Variants in CAMTA1 observed in about 807,000 individuals in gnomAD.
CAMTA1 encodes calmodulin-binding transcription activator 1.
In CAMTA1, 27 loss-of-function variants were observed where a neutral mutation model predicts 170.9. That is an observed-to-expected ratio of 0.16 (90% CI 0.12 to 0.22). The LOEUF (loss-of-function observed/expected upper bound fraction) is 0.22. CAMTA1 is among the 10% of genes least tolerant of loss of function. CAMTA1 has a pLI of 1.00. For missense variants in CAMTA1, 1,619 were observed against 2,217.2 expected, an observed-to-expected ratio of 0.73 and a Z score of 5.42; for synonymous variants, 833 against 891.5, an observed-to-expected ratio of 0.93 and a Z score of 1.17.
chr1:6,923,923 C>A (rs888224293), intron 3 of CAMTA1, among the ~76,000 whole-genome samples: 2 of 152,168 alleles, frequency 1.3e-5, no homozygotes, highest in South Asian at 2.1e-4. Flanking sequence ...AGGGGAAAAA[C>A]AATTCCCCAA....
At chr1:6,813,180 A>T (rs1645384627) in intron 1 of CAMTA1, among the ~76,000 whole-genome samples, 1 of 152,226 alleles carries the variant, frequency 6.6e-6, no homozygotes, top group Non-Finnish European at 1.5e-5. Context: ...ACTGTAGCAC[A>T]TAATTTTTTC....
At chr1:7,518,231 G>A (rs777937437) in intron 6 of CAMTA1, among the ~76,000 whole-genome samples, 5 of 151,948 alleles carry the variant, frequency 3.3e-5, no homozygotes, top group African/African-American at 1.2e-4. Context: ...CTGGTAAAAC[G>A]AAGCTGGCAG....
At chr1:7,204,989 C>T (rs533848698) in intron 4 of CAMTA1, among the ~76,000 whole-genome samples, 6 of 151,778 alleles carry the variant, frequency 4.0e-5, no homozygotes, top group African/African-American at 9.7e-5. Context: ...GGACCACGCC[C>T]GGCTAATTTT....
At chr1:7,495,095 T>C (rs1167572710) in intron 6 of CAMTA1, among the ~76,000 whole-genome samples, 1 of 152,036 alleles carries the variant, frequency 6.6e-6, no homozygotes. Context: ...TTAAATCCTC[T>C]CAAACTCAGG....
intron 11 of CAMTA1, among the ~76,000 whole-genome samples, chr1:7,717,467 C>A (rs2096619245): frequency 1.3e-5 from 2 of 151,986 alleles, no homozygotes; most frequent in African/African-American, 4.8e-5. Flanking sequence ...AATTTGAGGC[C>A]AGGCGTAGTG....
chr1:7,457,487 C>T (rs1313512415), intron 5 of CAMTA1, among the ~76,000 whole-genome samples: 2 of 152,044 alleles, frequency 1.3e-5, no homozygotes, highest in East Asian at 1.9e-4. Context: ...GGTTAGGTCC[C>T]CTGCCCCTCA....
intron 18 of CAMTA1, among the ~76,000 whole-genome samples, chr1:7,746,810 T>C (rs1424190608): frequency 6.6e-6 from 1 of 152,196 alleles, no homozygotes; most frequent in Non-Finnish European, 1.5e-5. Context: ...CTAATTCTTG[T>C]ATTTTTAGTA....
intron 6 of CAMTA1, among the ~76,000 whole-genome samples, chr1:7,468,998 G>C (rs1006126081): frequency 1.3e-5 from 2 of 152,206 alleles, no homozygotes. Flanking sequence ...TGTGGAGGCC[G>C]GGCTCAGCCT....
intron 6 of CAMTA1, among the ~76,000 whole-genome samples, chr1:7,636,565 C>A (rs1399681685): frequency 3.9e-5 from 6 of 152,066 alleles, no homozygotes; most frequent in Non-Finnish European, 7.4e-5. Flanking sequence ...AAAAATTAGC[C>A]GGGCATGGTG....
At chr1:6,908,163 T>C (rs1428179929) in intron 3 of CAMTA1, among the ~76,000 whole-genome samples, 1 of 152,186 alleles carries the variant, frequency 6.6e-6, no homozygotes, top group Non-Finnish European at 1.5e-5. Context: ...CCCATCCCCT[T>C]CTGCCTGCAT....
Position 7,045,342 on chromosome 1 carries a change from C to T in CAMTA1, c.235-45962C>T, listed in dbSNP as rs528095942. Among the ~76,000 whole-genome samples the T allele has an allele frequency of 2.5e-3, 386 of 152,278 alleles. 1 individual carries two copies. The highest frequency in any genetic ancestry group is 9.0e-3 in the African/African-American group (373 of 41,560). On this transcript the variant is annotated intron_variant, in intron 3 of 22. Coordinates refer to ENST00000303635, the MANE Select transcript of CAMTA1 (RefSeq NM_015215.4). ...ATTGCTGTTGCTAGCCACACCTGCC[C>T]GTCTGGCCCCCTCCTGCTGTAGTTG...
intron 1 of CAMTA1, among the ~76,000 whole-genome samples, chr1:6,818,224 C>A (rs557936221): frequency 6.6e-6 from 1 of 152,268 alleles, no homozygotes; most frequent in African/African-American, 2.4e-5. Flanking sequence ...GTGATCCCAG[C>A]TACTCAGGAG....
intron 3 of CAMTA1, among the ~76,000 whole-genome samples, chr1:6,990,032 A>G (rs1696094622): frequency 6.6e-6 from 1 of 152,156 alleles, no homozygotes; most frequent in Non-Finnish European, 1.5e-5. Flanking sequence ...AAGCTCACCC[A>G]AGCCCTTCTG....
At position 7,465,131 on chromosome 1, in the gene CAMTA1, A is replaced by T. The variant is rs946635749; in HGVS notation, c.439-2699A>T. Among the ~76,000 whole-genome samples the T allele has an allele frequency of 4.6e-5, 7 of 152,188 alleles. No homozygotes were observed. The East Asian group carries it at 1.3e-3, about 29-fold the overall frequency. On this transcript the variant is annotated intron_variant, in intron 5 of 22. Transcript: ENST00000303635. Reference sequence around the variant, plus strand: ...AGGGTGCCACGGGCAAAACTTAAACATTGACCGTCTCTGGAGTCCTTTCCT... The same window carrying T: ...AGGGTGCCACGGGCAAAACTTAAACTTTGACCGTCTCTGGAGTCCTTTCCT...
chr1:7,307,365 T>C (rs1019813380), intron 5 of CAMTA1, among the ~76,000 whole-genome samples: 1 of 151,994 alleles, frequency 6.6e-6, no homozygotes, highest in African/African-American at 2.4e-5. Context: ...TTAGAATTTT[T>C]TGTGTGGGCA....
intron 7 of CAMTA1, among the ~76,000 whole-genome samples, chr1:7,646,767 C>T (rs1482096325): frequency 6.7e-6 from 1 of 149,188 alleles, no homozygotes; most frequent in Admixed American, 6.7e-5. Flanking sequence ...GTGGAGGCCA[C>T]AGTGAGTTGG....
intron 3 of CAMTA1, among the ~76,000 whole-genome samples, chr1:6,830,433 T>TCCCGGGTTCA (rs1450082475): frequency 6.8e-6 from 1 of 146,752 alleles, no homozygotes; most frequent in Non-Finnish European, 1.5e-5. Context: ...AACCTCCACC[T>TCCCGGGTTCA]CCCGGGTTCA....
intron 4 of CAMTA1, among the ~76,000 whole-genome samples, chr1:7,164,420 A>G (rs1016856081): frequency 6.6e-6 from 1 of 152,192 alleles, no homozygotes; most frequent in East Asian, 1.9e-4. Context: ...ATTCTAGAGA[A>G]AGCTAGGGGT....
At chr1:7,250,902 C>A (rs990664578) in intron 5 of CAMTA1, among the ~76,000 whole-genome samples, 1 of 152,196 alleles carries the variant, frequency 6.6e-6, no homozygotes, top group Non-Finnish European at 1.5e-5. Context: ...CTGCTCTGGG[C>A]GCACCTCTAG....
Sources: allele counts gnomAD v4.1 joint callset (sites outside exome capture counted in the v4.1 genomes callset), GRCh38; gene constraint gnomAD v4.1.1; transcripts MANE v1.5; gene names NCBI Gene and HGNC (gene_info 2026-07-23, HGNC 2026-07-21).